Variants in ADCK1 observed in about 807,000 individuals in gnomAD.
ADCK1 encodes the protein aarF domain containing kinase 1, also known as aarF domain-containing protein kinase 1.
Under a neutral mutation model 52.3 loss-of-function variants are expected in ADCK1, and 41 were observed. That is an observed-to-expected ratio of 0.78 (90% CI 0.61 to 1.02). ADCK1 has a LOEUF of 1.02. Ranked by LOEUF, ADCK1 falls within the 50% of genes least tolerant of loss-of-function variation. ADCK1 has a pLI of 0.00. For synonymous variants in ADCK1, 250 were observed against 274.6 expected, an observed-to-expected ratio of 0.91 and a Z score of 0.89; for missense variants, 658 against 679.5, an observed-to-expected ratio of 0.97 and a Z score of 0.35.
intron 4 of ADCK1, among the ~76,000 whole-genome samples, chr14:77,877,048 C>G (rs776161892): frequency 3.3e-5 from 5 of 152,160 alleles, no homozygotes; most frequent in Non-Finnish European, 7.3e-5. Context: ...AGCCCTGTCT[C>G]TACTAAAAAT....
At chr14:77,806,133 C>T (rs2081221301) in intron 1 of ADCK1, among the ~76,000 whole-genome samples, 1 of 151,314 alleles carries the variant, frequency 6.6e-6, no homozygotes, top group African/African-American at 2.4e-5. Context: ...CTCTATGTTG[C>T]CCCGGCTGGT....
At chr14:77,920,440 C>G (rs1319306466) in intron 7 of ADCK1, among the ~76,000 whole-genome samples, 1 of 152,152 alleles carries the variant, frequency 6.6e-6, no homozygotes. Flanking sequence ...GTTCTCTATT[C>G]TGTTCCATCG....
chr14:77,801,104 T>A (rs1436921646), intron 1 of ADCK1, among the ~76,000 whole-genome samples: 2 of 152,176 alleles, frequency 1.3e-5, no homozygotes, highest in Non-Finnish European at 2.9e-5. Context: ...AATAATTTTC[T>A]TACTACAGTG....
At chr14:77,924,759 G>A (rs1004770374) in intron 8 of ADCK1, among the ~76,000 whole-genome samples, 153 bp downstream of exon 8, 3 of 152,262 alleles carry the variant, frequency 2.0e-5, no homozygotes, top group African/African-American at 7.2e-5. Flanking sequence ...GCAAGTCACT[G>A]TCACAGAGCT....
At chr14:77,841,188 G>A (rs1009839705) in intron 3 of ADCK1, among the ~76,000 whole-genome samples, 1 of 152,314 alleles carries the variant, frequency 6.6e-6, no homozygotes, top group Non-Finnish European at 1.5e-5. Flanking sequence ...TAAAAGCCCC[G>A]ATGTGGCAAT....
chr14:77,927,846 C>T (rs557769074), intron 9 of ADCK1, among the ~76,000 whole-genome samples: 24 of 152,326 alleles, frequency 1.6e-4, no homozygotes, highest in African/African-American at 5.8e-4. Flanking sequence ...GCAGGAAGAT[C>T]ATCACGCAGG....
At chr14:77,892,273 G>A (rs890197131) in intron 5 of ADCK1, among the ~76,000 whole-genome samples, 17 of 152,126 alleles carry the variant, frequency 1.1e-4, no homozygotes, top group African/African-American at 3.9e-4. Context: ...TAACTACTGT[G>A]CATTTACAGG....
At chr14:77,858,149 T>C (rs34562854) in intron 3 of ADCK1, among the ~76,000 whole-genome samples, 9,956 of 152,278 alleles carry the variant, frequency 0.065, 430 homozygotes, top group Non-Finnish European at 0.094. Flanking sequence ...CTCCTCCAGT[T>C]AATAGGAGAC....
intron 3 of ADCK1, among the ~76,000 whole-genome samples, chr14:77,854,391 A>T (rs2082373123): frequency 6.6e-6 from 1 of 152,166 alleles, no homozygotes; most frequent in Non-Finnish European, 1.5e-5. Flanking sequence ...ATGATACTGG[A>T]TGAGATCCCC....
intron 3 of ADCK1, among the ~76,000 whole-genome samples, chr14:77,836,391 C>T (rs1222027998): frequency 6.6e-6 from 1 of 152,240 alleles, no homozygotes; most frequent in Admixed American, 6.5e-5. Context: ...TCTATTATCT[C>T]ATTTAATTTT....
chr14:77,926,884 A>G lies in ADCK1; in HGVS notation c.1206+923A>G, dbSNP rs2084209835. Among the ~76,000 whole-genome samples, 3 of 152,086 alleles carry G rather than the reference A, an allele frequency of 2.0e-5. No individual in the cohort carries two copies. In the South Asian group the frequency reaches 6.2e-4, roughly 32 times the overall value. On this transcript the variant is annotated intron_variant, in intron 9 of 10. Coordinates refer to ENST00000238561, the MANE Select transcript of ADCK1 (RefSeq NM_020421.4). ...CCTGGCTCAGGGTGGGCTCCCTTCC[A>G]GGGGGCTTTTCCAGCCTCCAGAATT...
chr14:77,835,584 T>C (rs2081943961), intron 3 of ADCK1, among the ~76,000 whole-genome samples: 1 of 152,208 alleles, frequency 6.6e-6, no homozygotes, highest in African/African-American at 2.4e-5. Context: ...GGGAGCCTTA[T>C]AAAGCACACA....
chr14:77,897,631 A>G (rs1306225616), intron 5 of ADCK1, among the ~76,000 whole-genome samples: 2 of 152,194 alleles, frequency 1.3e-5, no homozygotes, highest in African/African-American at 4.8e-5. Flanking sequence ...AAGTGGTCAA[A>G]TTCCTTCTCT....
rs192434244 is a variant in ADCK1 at position 77,824,956 on chromosome 14, G to A, written c.219+2438G>A. Among the ~76,000 whole-genome samples, 126 of 152,198 alleles carry A rather than the reference G, an allele frequency of 8.3e-4. 1 individual carries two copies. The highest frequency in any genetic ancestry group is 2.8e-3 in the African/African-American group (118 of 41,516). ...ACATCTTCAAAGTGTTATTTAATGG[G>A]AAATACATTCAAATAGTACATAAAT... On this transcript the variant is annotated intron_variant, in intron 3 of 10. Coordinates refer to ENST00000238561, the MANE Select transcript of ADCK1 (RefSeq NM_020421.4).
chr14:77,878,098 A>T (rs901637229), intron 4 of ADCK1, among the ~76,000 whole-genome samples: 1 of 152,204 alleles, frequency 6.6e-6, no homozygotes, highest in African/African-American at 2.4e-5. Flanking sequence ...ATTTGTGATT[A>T]TGTGGTTACT....
chr14:77,911,321 G>C (rs906584400), intron 7 of ADCK1, among the ~76,000 whole-genome samples: 1 of 152,146 alleles, frequency 6.6e-6, no homozygotes, highest in East Asian at 1.9e-4. Context: ...CTATAGGTTG[G>C]TGCAAAGGTA....
chr14:77,830,319 A>G (rs2081818085), intron 3 of ADCK1, among the ~76,000 whole-genome samples: 1 of 151,010 alleles, frequency 6.6e-6, no homozygotes, highest in Non-Finnish European at 1.5e-5. Context: ...ACACCCAAGT[A>G]ATTTTTGTAT....
At chr14:77,916,350 T>C (rs2083924266) in intron 7 of ADCK1, among the ~76,000 whole-genome samples, 1 of 152,116 alleles carries the variant, frequency 6.6e-6, no homozygotes, top group Non-Finnish European at 1.5e-5. Context: ...CTCTGTGATG[T>C]TCCTTTTCAA....
intron 4 of ADCK1, among the ~76,000 whole-genome samples, chr14:77,878,819 T>G (rs2082955141): frequency 6.6e-6 from 1 of 152,214 alleles, no homozygotes; most frequent in African/African-American, 2.4e-5. Context: ...AGATTTATGA[T>G]AGCCAACGGT....
Sources: gnomAD v4.1 joint callset for allele counts (sites outside exome capture counted in the v4.1 genomes callset) on GRCh38, gnomAD v4.1.1 for gene constraint, MANE v1.5 for transcripts, NCBI Gene and HGNC (gene_info 2026-07-23, HGNC 2026-07-21) for gene names.